The following CNTNAP5 variants were observed in gnomAD, a reference collection of about 807,000 sequenced individuals.
CNTNAP5 encodes the protein contactin associated protein family member 5.
CNTNAP5 carries 72 observed loss-of-function variants against 150.2 expected under a neutral mutation model. The observed-to-expected ratio is 0.48, with a 90% CI of 0.40 to 0.58. The LOEUF (loss-of-function observed/expected upper bound fraction) is 0.58. CNTNAP5 is among the 20% of genes least tolerant of loss of function. The pLI is 0.00. For synonymous variants in CNTNAP5, 672 were observed against 619.8 expected (o/e 1.08, Z -1.25); for missense variants, 1,636 against 1,626.2 (o/e 1.01, Z -0.10).
intron 3 of CNTNAP5, among the ~76,000 whole-genome samples, chr2:124,244,469 T>A (rs764979479): frequency 1.3e-5 from 2 of 151,960 alleles, no homozygotes; most frequent in African/African-American, 4.8e-5. Flanking sequence ...GTAGGGCAGG[T>A]AGAAGTTGCT....
At chr2:124,216,620 A>G (rs924018081) in intron 1 of CNTNAP5, among the ~76,000 whole-genome samples, 1 of 151,984 alleles carries the variant, frequency 6.6e-6, no homozygotes, top group Admixed American at 6.6e-5. Flanking sequence ...ATTCCCACCT[A>G]TGAGTGAGAA....
intron 3 of CNTNAP5, among the ~76,000 whole-genome samples, chr2:124,333,714 A>C (rs1689405312): frequency 6.6e-6 from 1 of 152,076 alleles, no homozygotes; most frequent in African/African-American, 2.4e-5. Flanking sequence ...CTGGATTTTG[A>C]TTTCAAGGCA....
At chr2:124,200,823 A>C in intron 1 of CNTNAP5, among the ~76,000 whole-genome samples, 1 of 152,166 alleles carries the variant, frequency 6.6e-6, no homozygotes, top group Non-Finnish European at 1.5e-5. Context: ...CCGGTTGCTC[A>C]TCTAATACCC....
At chr2:124,503,182 T>C (rs558545608) in intron 7 of CNTNAP5, among the ~76,000 whole-genome samples, 1 of 152,312 alleles carries the variant, frequency 6.6e-6, no homozygotes, top group African/African-American at 2.4e-5. Flanking sequence ...AATATGCTCA[T>C]AGCAGTGTGA....
At chr2:124,665,005 G>T (rs571955008) in intron 13 of CNTNAP5, among the ~76,000 whole-genome samples, 4 of 152,170 alleles carry the variant, frequency 2.6e-5, no homozygotes, top group Non-Finnish European at 5.9e-5. Context: ...TAATCCTACC[G>T]TGTGCTCAGA....
chr2:124,305,657 C>G (rs1437089159), intron 3 of CNTNAP5, among the ~76,000 whole-genome samples: 1 of 152,094 alleles, frequency 6.6e-6, no homozygotes, highest in African/African-American at 2.4e-5. Flanking sequence ...ACTGTTATTT[C>G]AAGTGTGACC....
At chr2:124,228,148 G>T (rs7583123) in intron 2 of CNTNAP5, among the ~76,000 whole-genome samples, 27,915 of 151,878 alleles carry the variant, frequency 0.18, 2,801 homozygotes, top group Non-Finnish European at 0.23. Context: ...AGAAATTAAC[G>T]AACCACTGGT....
At chr2:124,260,105 T>A (rs1267574214) in intron 3 of CNTNAP5, among the ~76,000 whole-genome samples, 2 of 152,138 alleles carry the variant, frequency 1.3e-5, no homozygotes, top group African/African-American at 4.8e-5. Context: ...TCACACTACC[T>A]GACTTCAAAC....
rs1208834528 is a variant in CNTNAP5 at position 124,876,686 on chromosome 2, C to T, written c.3436+6924C>T. Among the ~76,000 whole-genome samples, 6 of 151,916 alleles carry T rather than the reference C, an allele frequency of 3.9e-5. No homozygotes were observed. The East Asian group carries it at 1.2e-3, about 29-fold the overall frequency. Reference sequence around the variant, plus strand: ...GATTATTTCATTTTAAATGCATAGGCTTCTCAAATTATATTTCATTTTGTT... The same window carrying T: ...GATTATTTCATTTTAAATGCATAGGTTTCTCAAATTATATTTCATTTTGTT... On this transcript the variant is annotated intron_variant, in intron 21 of 23. Coordinates refer to ENST00000682447, the MANE Select transcript of CNTNAP5 (RefSeq NM_001367498.1).
At chr2:124,477,611 G>T (rs112378547) in intron 7 of CNTNAP5, among the ~76,000 whole-genome samples, 1 of 151,194 alleles carries the variant, frequency 6.6e-6, no homozygotes, top group African/African-American at 2.4e-5. Context: ...CATGAGCTTA[G>T]GTCAACCATC....
intron 1 of CNTNAP5, among the ~76,000 whole-genome samples, chr2:124,105,510 A>T (rs1185835790): frequency 6.6e-6 from 1 of 152,204 alleles, no homozygotes; most frequent in African/African-American, 2.4e-5. Context: ...ACTGCTTATT[A>T]ATTTTTCTGA....
intron 1 of CNTNAP5, among the ~76,000 whole-genome samples, chr2:124,029,083 T>C (rs1229545613): frequency 6.6e-6 from 1 of 152,066 alleles, no homozygotes; most frequent in Non-Finnish European, 1.5e-5. Context: ...CCATGTGCAG[T>C]ATCTAAGTTT....
chr2:124,445,174 C>T (rs1692783362), intron 5 of CNTNAP5, among the ~76,000 whole-genome samples: 1 of 151,614 alleles, frequency 6.6e-6, no homozygotes, highest in Admixed American at 6.6e-5. Context: ...ACTGCAACCT[C>T]CGCCTCCCAG....
intron 14 of CNTNAP5, among the ~76,000 whole-genome samples, chr2:124,755,583 C>T (rs1433808026): frequency 6.6e-6 from 1 of 152,172 alleles, no homozygotes; most frequent in East Asian, 1.9e-4. Flanking sequence ...TTCATTCTCT[C>T]TGTCTTTGTC....
At chr2:124,325,436 G>T (rs1689192282) in intron 3 of CNTNAP5, among the ~76,000 whole-genome samples, 1 of 152,206 alleles carries the variant, frequency 6.6e-6, no homozygotes. Context: ...ATGTGAAAGG[G>T]AGAAGACAAT....
intron 1 of CNTNAP5, among the ~76,000 whole-genome samples, chr2:124,097,768 C>T (rs1241170737): frequency 1.3e-5 from 2 of 152,222 alleles, no homozygotes; most frequent in African/African-American, 4.8e-5. Flanking sequence ...GTGGCTCACG[C>T]CTGTAATCCC....
intron 3 of CNTNAP5, among the ~76,000 whole-genome samples, chr2:124,351,443 T>C (rs1177357238): frequency 6.6e-6 from 1 of 152,196 alleles, no homozygotes; most frequent in Non-Finnish European, 1.5e-5. Context: ...AGTGTTCTTG[T>C]TGGCATAATA....
intron 13 of CNTNAP5, among the ~76,000 whole-genome samples, chr2:124,649,720 C>G (rs192378500): frequency 2.0e-5 from 3 of 152,074 alleles, no homozygotes; most frequent in African/African-American, 7.2e-5. Context: ...TCTATAGTTT[C>G]GATTTCACCA....
intron 10 of CNTNAP5, among the ~76,000 whole-genome samples, chr2:124,534,600 T>A (rs185188763): frequency 1.2e-3 from 183 of 152,238 alleles, no homozygotes; most frequent in Admixed American, 3.7e-3. Flanking sequence ...GAAATTCGGG[T>A]GTGGTGGCTC....
Sources: gnomAD v4.1 joint callset for allele counts (sites outside exome capture counted in the v4.1 genomes callset) on GRCh38, gnomAD v4.1.1 for gene constraint, MANE v1.5 for transcripts, NCBI Gene and HGNC (gene_info 2026-07-23, HGNC 2026-07-21) for gene names.